The following FBN1 variants were observed in gnomAD, a reference collection of about 807,000 sequenced individuals.
FBN1 encodes fibrillin-1.
FBN1 carries 29 observed loss-of-function variants against 365.1 expected under a neutral mutation model. The ratio of observed to expected loss-of-function variants is 0.08; its 90% CI spans 0.06 to 0.11. The LOEUF (loss-of-function observed/expected upper bound fraction) is 0.11, where lower values mean the gene tolerates loss of function less well. FBN1 is among the 10% of genes least tolerant of loss of function. The probability of loss-of-function intolerance (pLI) is 1.00; values close to 1 mark genes in which losing one functional copy is unlikely to be tolerated. For synonymous variants in FBN1, 1,210 were observed against 1,270.5 expected (o/e 0.95, Z 1.01); for missense variants, 2,476 against 3,703.2 (o/e 0.67, Z 8.60).
chr15:48,631,651 T>C (rs553460421), intron 2 of FBN1, among the ~76,000 whole-genome samples: 1 of 152,048 alleles, frequency 6.6e-6, no homozygotes, highest in Non-Finnish European at 1.5e-5. Context: ...AGTGCTGGAG[T>C]TCTCCGCGAG....
At chr15:48,560,917 C>A (rs1407178995) in intron 6 of FBN1, among the ~76,000 whole-genome samples, 6 of 152,098 alleles carry the variant, frequency 3.9e-5, no homozygotes, top group Admixed American at 3.9e-4. Context: ...TCATAATTTC[C>A]TCATCTGAAC....
intron 24 of FBN1, among the ~76,000 whole-genome samples, 169 bp from the exon 25 acceptor site, chr15:48,490,247 C>T (rs1234816956): frequency 6.6e-6 from 1 of 152,106 alleles, no homozygotes; most frequent in Non-Finnish European, 1.5e-5. Flanking sequence ...GGGTAAGTAT[C>T]CTTGCCTAAT....
In FBN1 at chr15:48,468,099, G is replaced by T. The variant is rs794728227; in HGVS notation, c.4586C>A (p.Thr1529Asn). Reference sequence around the variant, plus strand: ...ATCCAAATAGCAATTTCCAGAGCGGGTATCTATTTACCATATACAAACACA... The same window carrying T: ...ATCCAAATAGCAATTTCCAGAGCGGTTATCTATTTACCATATACAAACACA... ...LNPTRVGCVD[T>N]RSGNCYLDIR... The change falls in exon 38 of 66, where the codon ACC becomes AAC. Residue 1529 changes from threonine (T) to asparagine (N), a missense_variant. This residue lies in a region of FBN1 where 1,780 missense variants were observed against 2,840.8 expected (regional missense o/e 0.63). Coordinates refer to ENST00000316623, the MANE Select transcript of FBN1 (RefSeq NM_000138.5). 5 of 1,613,876 alleles carry T rather than the reference G, an allele frequency of 3.1e-6. No homozygotes were observed. The highest frequency in any genetic ancestry group is 2.7e-5 in the African/African-American group (2 of 74,854).
intron 54 of FBN1, among the ~76,000 whole-genome samples, chr15:48,434,244 A>G (rs2043046210): frequency 6.6e-6 from 1 of 152,220 alleles, no homozygotes; most frequent in South Asian, 2.1e-4. Flanking sequence ...AAAAGAGAAA[A>G]GAAAAAGAAA....
At chr15:48,464,402 T>C (rs533235120) in intron 40 of FBN1, among the ~76,000 whole-genome samples, 3 of 152,110 alleles carry the variant, frequency 2.0e-5, no homozygotes, top group African/African-American at 4.8e-5. Context: ...TCCCAGCTAC[T>C]CTACTCGGGA....
chr15:48,636,288 C>T (rs1283702324), intron 2 of FBN1, among the ~76,000 whole-genome samples: 7 of 152,056 alleles, frequency 4.6e-5, no homozygotes, highest in African/African-American at 1.2e-4. Flanking sequence ...AGAGAGGCCA[C>T]GTATAGAAAG....
At chr15:48,600,369 T>C in intron 4 of FBN1, 135 bp from the exon 5 acceptor site, 1 of 714,942 alleles carries the variant, frequency 1.4e-6, no homozygotes. Flanking sequence ...TACCTGATAA[T>C]GACCTAATTG....
At chr15:48,487,023 CATAAAATAAAGTAAA>C (rs1044248947) in intron 29 of FBN1, 37 bp downstream of exon 29, 1 of 1,186,838 alleles carries the variant, frequency 8.4e-7, no homozygotes, top group Non-Finnish European at 1.1e-6. Context: ...CATAACATAA[CATAAAATAAAGTAAA>C]ATAAAATAAA....
At position 48,475,909 on chromosome 15, in the gene FBN1, T is replaced by G. The variant is rs181041196; in HGVS notation, c.3965-1259A>C. ...AACTTTATAATATCACTAATGATCA[T>G]AAAAATGAAGCAGCATGCCTGGAAG... On this transcript the variant is annotated intron_variant, in intron 32 of 65. Coordinates refer to ENST00000316623, the MANE Select transcript of FBN1 (RefSeq NM_000138.5). Among the ~76,000 whole-genome samples, 267 of 152,316 alleles carry G rather than the reference T, an allele frequency of 1.8e-3. 2 individuals carry two copies. Among genetic ancestry groups the G allele is most frequent in the South Asian group, 8.9e-3 (43 of 4,828 alleles).
At chr15:48,614,372 A>G (rs187672374) in intron 2 of FBN1, among the ~76,000 whole-genome samples, 8 of 152,278 alleles carry the variant, frequency 5.3e-5, no homozygotes, top group African/African-American at 1.9e-4. Flanking sequence ...GTTAGGGTGC[A>G]CTCCCACATT....
chr15:48,639,487 G>T (rs928377796), intron 2 of FBN1, among the ~76,000 whole-genome samples: 14 of 152,194 alleles, frequency 9.2e-5, no homozygotes, highest in Non-Finnish European at 1.5e-5. Flanking sequence ...GGTTCCTGAA[G>T]TACCCCCAGG....
chr15:48,589,822 G>A (rs574873490), intron 6 of FBN1, among the ~76,000 whole-genome samples: 8 of 151,746 alleles, frequency 5.3e-5, no homozygotes, highest in Non-Finnish European at 2.9e-5. Context: ...TTTCACAGTA[G>A]AGCCAGGATG....
rs376112334 is a variant in FBN1, at chr15:48,468,383, G to C, written c.4582+29C>G. 2.0e-5 allele frequency: 32 copies of C among 1,613,344 alleles called. No individual in the cohort carries two copies. The African/African-American group carries it at 4.0e-4, about 20-fold the overall frequency. On this transcript the variant is annotated intron_variant, in intron 37 of 65. Transcript: ENST00000316623. ...TTTCAAAATAATACACAGTATGCTTGCTTCTCTGAAAAGTTTTTAAGGTCT... is the reference window on the plus strand; with the variant it reads ...TTTCAAAATAATACACAGTATGCTTCCTTCTCTGAAAAGTTTTTAAGGTCT...
rs2043526514 is a variant in FBN1 at position 48,488,260 on chromosome 15, T to C, written c.3209-19A>G. Reference sequence around the variant, plus strand: ...TCAATGTCTGCACAAAAACAGCAAGTGGCAGCAAATGAGTCTCAGGACAGC... The same window carrying C: ...TCAATGTCTGCACAAAAACAGCAAGCGGCAGCAAATGAGTCTCAGGACAGC... On this transcript the variant is annotated intron_variant, in intron 26 of 65. Coordinates refer to ENST00000316623, the MANE Select transcript of FBN1 (RefSeq NM_000138.5). The C allele has an allele frequency of 6.2e-7, 1 of 1,614,230 alleles. No individual in the cohort carries two copies. Among genetic ancestry groups the C allele is most frequent in the East Asian group, 2.2e-5 (1 of 44,888 alleles).
At chr15:48,472,460 A>T in intron 35 of FBN1, 91 bp downstream of exon 35, 6 of 252,988 alleles carry the variant, frequency 2.4e-5, no homozygotes, top group East Asian at 1.7e-4. Context: ...CCTCAGTTTA[A>T]AAAAAAAAAA....
At chr15:48,503,306 AAAAAAAAAG>A (rs1403923788) in intron 17 of FBN1, among the ~76,000 whole-genome samples, 17 of 150,194 alleles carry the variant, frequency 1.1e-4, no homozygotes, top group African/African-American at 4.2e-4. Flanking sequence ...CAAAAAAAAA[AAAAAAAAAG>A]AAGAAGAAGA....
chr15:48,494,283 A>G lies in FBN1; in HGVS notation c.2678-29T>C, dbSNP rs770483985. Reference sequence around the variant, plus strand: ...TAATAAAAAGCGAAAAACAAAACAGAAAACAAATTTGAGATAACAATATCC... The same window carrying G: ...TAATAAAAAGCGAAAAACAAAACAGGAAACAAATTTGAGATAACAATATCC... On this transcript the variant is annotated intron_variant, in intron 22 of 65. Coordinates refer to ENST00000316623, the MANE Select transcript of FBN1 (RefSeq NM_000138.5). The G allele has an allele frequency of 4.4e-6, 7 of 1,581,622 alleles. No individual in the cohort carries two copies. The African/African-American group carries it at 8.1e-5, about 18-fold the overall frequency.
chr15:48,642,552 C>T (rs1000356066), intron 2 of FBN1: 2 of 152,008 alleles, frequency 1.3e-5, no homozygotes, highest in African/African-American at 2.4e-5. Context: ...TTTATTTGTA[C>T]ATGTATACAT....
chr15:48,427,805 T>A lies in FBN1; in HGVS notation c.6998-32A>T, dbSNP rs541990155. On this transcript the variant is annotated intron_variant, in intron 57 of 65. Transcript: ENST00000316623. ...GGGACATTATATGGCAAAGGGGATGTCAGGAAATTTTAAGAGCAAACAAAA... is the reference window on the plus strand; with the variant it reads ...GGGACATTATATGGCAAAGGGGATGACAGGAAATTTTAAGAGCAAACAAAA... The A allele has an allele frequency of 1.9e-6, 3 of 1,598,950 alleles. No individual in the cohort carries two copies. In the Admixed American group the frequency reaches 5.0e-5, roughly 27 times the overall value.
Sources: allele counts gnomAD v4.1 joint callset (sites outside exome capture counted in the v4.1 genomes callset), GRCh38; gene constraint gnomAD v4.1.1; regional missense constraint gnomAD v4.1.1; transcripts MANE v1.5; gene names NCBI Gene and HGNC (gene_info 2026-07-23, HGNC 2026-07-21).